RMI1: variants seen among roughly 807,000 people sequenced by gnomAD.
RMI1 encodes RecQ mediated genome instability 1.
In RMI1, 36 loss-of-function variants were observed where a neutral mutation model predicts 46.7. That is an observed-to-expected ratio of 0.77 (90% CI 0.59 to 1.02). RMI1 has a LOEUF of 1.02. Among genes scored for constraint, RMI1 ranks in the 50% least tolerant of loss-of-function variants. The probability of loss-of-function intolerance (pLI) is 0.00; values close to 1 mark genes in which losing one functional copy is unlikely to be tolerated. For missense variants in RMI1, 676 were observed against 713.7 expected (o/e 0.95, Z 0.60); for synonymous variants, 250 against 252.9 (o/e 0.99, Z 0.11).
intron 1 of RMI1, among the ~76,000 whole-genome samples, chr9:83,994,936 T>C (rs1336020351): frequency 6.6e-6 from 1 of 152,166 alleles, no homozygotes; most frequent in East Asian, 1.9e-4. Flanking sequence ...ATTAAAAAAA[T>C]ACTGATTAGC....
At chr9:83,995,124 C>T (rs1034238049) in intron 1 of RMI1, among the ~76,000 whole-genome samples, 2 of 152,044 alleles carry the variant, frequency 1.3e-5, no homozygotes, top group Non-Finnish European at 2.9e-5. Context: ...CTAAGCCTCC[C>T]GAGTAGCTGG....
intron 1 of RMI1, among the ~76,000 whole-genome samples, chr9:83,987,815 A>G (rs1360876153): frequency 1.3e-5 from 2 of 152,050 alleles, no homozygotes. Flanking sequence ...ATTTATTTTT[A>G]TTATTAAATA....
chr9:83,995,786 T>C (rs1238560092), intron 1 of RMI1, among the ~76,000 whole-genome samples: 8 of 152,194 alleles, frequency 5.3e-5, no homozygotes, highest in Non-Finnish European at 1.0e-4. Context: ...GCATAAGTTA[T>C]CTCCTCATTT....
intron 1 of RMI1, among the ~76,000 whole-genome samples, chr9:83,996,330 T>C (rs953898772): frequency 3.3e-5 from 5 of 152,230 alleles, no homozygotes; most frequent in African/African-American, 9.6e-5. Flanking sequence ...GGAACTTTTT[T>C]TGGCCCAGTT....
At chr9:84,000,245 G>A (rs1023809688) in intron 2 of RMI1, among the ~76,000 whole-genome samples, 35 of 152,222 alleles carry the variant, frequency 2.3e-4, no homozygotes, top group Admixed American at 5.9e-4. Flanking sequence ...CCCTTTCTCC[G>A]TGGTTTTGCT....
At position 84,003,229 on chromosome 9, in the gene RMI1, G is replaced by A. The variant is rs558653312; in HGVS notation, c.*365G>A. On this transcript the variant is annotated 3_prime_UTR_variant, in exon 3 of 3. Transcript: ENST00000445877. ...CAGCTAATTTATAATTACTATTATT[G>A]TTTTGTAGGGACAGAGTTTTGCTAT... The A allele has an allele frequency of 5.9e-6, 1 of 170,234 alleles. No homozygotes were observed. The highest frequency in any genetic ancestry group is 2.4e-5 in the African/African-American group (1 of 41,554). The allele number at this position is 170,234 out of a possible 1,614,324, so 10.5% of individuals were successfully genotyped here. A position where few individuals can be genotyped will look rare whatever the true frequency, so the allele number is the denominator to read the frequency against.
At position 84,001,505 on chromosome 9, in the gene RMI1, A is replaced by G. The variant is rs766609978; in HGVS notation, c.519A>G (p.Ile173Met). ...CAAAAATTTTGATTTATGGAAATAT[A>G]TCTTTCCGTCTTGGTGTTCTCTTAT... Reference protein sequence around the residue: ...PGTKILIYGNISFRLGVLLLK... With the variant: ...PGTKILIYGNMSFRLGVLLLK... The change falls in exon 3 of 3, where the codon ATA (isoleucine) becomes ATG (methionine). Residue 173 changes from isoleucine to methionine, a missense_variant. Transcript: ENST00000445877. The G allele has an allele frequency of 3.1e-6, 5 of 1,613,878 alleles. No individual in the cohort carries two copies. Among genetic ancestry groups the G allele is most frequent in the Non-Finnish European group, 4.2e-6 (5 of 1,179,992 alleles).
intron 1 of RMI1, among the ~76,000 whole-genome samples, chr9:83,992,389 C>T (rs1196805204): frequency 6.6e-6 from 1 of 152,006 alleles, no homozygotes; most frequent in Admixed American, 6.6e-5. Flanking sequence ...AGACAGATCA[C>T]AGCTTTCTTG....
intron 1 of RMI1, chr9:83,993,018 A>T (rs1957596576): frequency 6.6e-6 from 1 of 152,032 alleles, no homozygotes; most frequent in African/African-American, 2.4e-5. Flanking sequence ...CCAGTGCTTT[A>T]CTTGAGTAGC....
intron 1 of RMI1, among the ~76,000 whole-genome samples, chr9:83,984,311 C>T (rs922189320): frequency 6.7e-6 from 1 of 148,930 alleles, no homozygotes; most frequent in Admixed American, 6.7e-5. Flanking sequence ...TTCTTGTTGC[C>T]TATGCTGGAG....
chr9:83,996,020 C>A (rs1957647428), intron 1 of RMI1, among the ~76,000 whole-genome samples: 1 of 151,936 alleles, frequency 6.6e-6, no homozygotes, highest in South Asian at 2.1e-4. Flanking sequence ...GGTGTAAATT[C>A]TATTTGCTCT....
chr9:83,990,254 T>C (rs1436152472), intron 1 of RMI1, among the ~76,000 whole-genome samples: 1 of 152,206 alleles, frequency 6.6e-6, no homozygotes, highest in Admixed American at 6.5e-5. Context: ...CAGTGGCTCA[T>C]GCCTGTAATC....
intron 1 of RMI1, among the ~76,000 whole-genome samples, chr9:83,982,954 A>G (rs1193612784): frequency 2.0e-5 from 3 of 152,210 alleles, no homozygotes; most frequent in South Asian, 4.1e-4. Context: ...CAATACATTC[A>G]TTGACTCCAG....
intron 1 of RMI1, among the ~76,000 whole-genome samples, chr9:83,986,317 A>C (rs1957490077): frequency 6.6e-6 from 1 of 152,220 alleles, no homozygotes; most frequent in Non-Finnish European, 1.5e-5. Flanking sequence ...TTTACGTGAG[A>C]TCTGAGAATT....
chr9:83,991,306 CTTT>C (rs55692810), intron 1 of RMI1, among the ~76,000 whole-genome samples: 2 of 141,082 alleles, frequency 1.4e-5, no homozygotes, highest in Admixed American at 7.1e-5. Flanking sequence ...TGTCATTTTT[CTTT>C]TTTTTTTTTT....
rs985023757 is a variant in RMI1, at chr9:84,003,653, T to C, written c.*789T>C. The stretch of plus-strand genomic sequence containing the variant: ...TTCAGATACAAATTGATTTACTGGT[T>C]TTTATTTTGCTGATTATAATATTTG... On this transcript the variant is annotated 3_prime_UTR_variant, in exon 3 of 3. Transcript: ENST00000445877. 1 of 166,384 alleles carries C rather than the reference T, an allele frequency of 6.0e-6. No individual in the cohort carries two copies. The highest frequency in any genetic ancestry group is 6.5e-5 in the Admixed American group (1 of 15,288). 10.3% of individuals were successfully genotyped at this position (166,384 alleles called of 1,614,324 possible).
In RMI1 at chr9:84,000,971, CT is replaced by C; in HGVS notation, c.-12del. ...TTCAGGTAATAGATGCATATTATTT[CT>C]TTTATTTAAAAGAAATGAATGTGAC... On this transcript the variant is annotated 5_prime_UTR_variant, in exon 3 of 3. It removes the in-frame stop codon of an upstream open reading frame in the 5' UTR. Transcript: ENST00000445877. 1 of 1,549,528 alleles carries C rather than the reference CT, an allele frequency of 6.5e-7. No individual in the cohort carries two copies. Among genetic ancestry groups the C allele is most frequent in the Non-Finnish European group, 8.7e-7 (1 of 1,151,214 alleles).
At chr9:84,000,811 G>A (rs1957725843) in intron 2 of RMI1, 140 bp from the exon 3 acceptor site, 1 of 526,288 alleles carries the variant, frequency 1.9e-6, no homozygotes. Flanking sequence ...CTGATTATGT[G>A]TAGTGTTTCA....
intron 1 of RMI1, among the ~76,000 whole-genome samples, chr9:83,994,052 G>C (rs1210437420): frequency 6.6e-6 from 1 of 151,506 alleles, no homozygotes; most frequent in Admixed American, 6.6e-5. Context: ...CCAAAGTGCT[G>C]GGATTACAAG....
Sources: gnomAD v4.1 joint callset for allele counts (sites outside exome capture counted in the v4.1 genomes callset) on GRCh38, gnomAD v4.1.1 for gene constraint, MANE v1.5 for transcripts, NCBI Gene and HGNC (gene_info 2026-07-23, HGNC 2026-07-21) for gene names.